FBXO2: variants seen among roughly 807,000 people sequenced by gnomAD.
FBXO2 encodes F-box protein 2, also known as F-box only protein 2.
A neutral mutation model predicts 38.6 loss-of-function variants in FBXO2; 32 were observed. The ratio of observed to expected loss-of-function variants is 0.83; its 90% CI spans 0.62 to 1.11. The LOEUF is 1.11. Among genes scored for constraint, FBXO2 ranks in the 50% most tolerant of loss-of-function variants. The pLI is 0.00. For missense variants in FBXO2, 450 were observed against 418.3 expected, an observed-to-expected ratio of 1.08 and a Z score of -0.66; for synonymous variants, 189 against 182.9, an observed-to-expected ratio of 1.03 and a Z score of -0.27.
At chr1:11,649,676 G>T in intron 4 of FBXO2, 103 bp downstream of exon 4, 1 of 1,246,506 alleles carries the variant, frequency 8.0e-7, no homozygotes, top group Non-Finnish European at 1.1e-6. Flanking sequence ...CTCAACCCCT[G>T]CAGTGGGGAG....
intron 1 of FBXO2, chr1:11,653,334 C>G (rs982608044): frequency 1.3e-5 from 2 of 152,470 alleles, no homozygotes; most frequent in Non-Finnish European, 2.9e-5. Flanking sequence ...ACATTGTTGC[C>G]GGCGGAAAGT....
At chr1:11,651,568 C>T (rs957190781) in intron 1 of FBXO2, among the ~76,000 whole-genome samples, 9 of 152,192 alleles carry the variant, frequency 5.9e-5, no homozygotes, top group African/African-American at 1.9e-4. Context: ...AGAGGTGAAA[C>T]GGCCCAGGAT....
chr1:11,649,269 G>A (rs1362122153), intron 4 of FBXO2, 44 bp from the exon 5 acceptor site: 1 of 1,369,228 alleles, frequency 7.3e-7, no homozygotes. Context: ...GAGGTGGGGT[G>A]GGGGCATGGC....
chr1:11,649,190 T>TA lies in FBXO2; in HGVS notation c.652_653insT (p.Glu218ValfsTer5), dbSNP rs1639472030. 1.3e-6 allele frequency: 2 copies of TA among 1,555,218 alleles called. No individual in the cohort carries two copies. On this transcript the variant is annotated frameshift_variant, in exon 5 of 6. Transcript: ENST00000354287. LOFTEE classifies it high-confidence loss of function. ...CTCGGACAGTAGCTTAACGGTGAGC[T>TA]CGTAGAGGCAACCAGCGTCGCTGCG...
intron 5 of FBXO2, 30 bp downstream of exon 5, chr1:11,649,057 A>G (rs997449923): frequency 1.2e-5 from 18 of 1,539,980 alleles, no homozygotes; most frequent in Non-Finnish European, 1.6e-5. Context: ...TCCGTGCCCC[A>G]CCCCTCCGCC....
intron 4 of FBXO2, 71 bp downstream of exon 4, chr1:11,649,708 T>A (rs958029430): frequency 6.8e-7 from 1 of 1,463,840 alleles, no homozygotes; most frequent in African/African-American, 1.4e-5. Context: ...AGGCGGGGGG[T>A]TCCCCAGCTG....
chr1:11,649,568 A>G (rs762952285), intron 4 of FBXO2: 35 of 597,756 alleles, frequency 5.9e-5, no homozygotes, highest in Non-Finnish European at 9.9e-5. Flanking sequence ...ATGTGCATAT[A>G]TTTGCCAACA....
Position 11,654,386 on chromosome 1 carries a change from C to A in FBXO2, c.-46G>T, listed in dbSNP as rs1228094044. On this transcript the variant is annotated 5_prime_UTR_variant, in exon 1 of 6. Coordinates refer to ENST00000354287, the MANE Select transcript of FBXO2 (RefSeq NM_012168.6). ...AGAGGAGGAGCCGGAGCGCTGCGGGCTGCGCGAGTCCCGGGGCGGCGAGTC... is the reference window on the plus strand; with the variant it reads ...AGAGGAGGAGCCGGAGCGCTGCGGGATGCGCGAGTCCCGGGGCGGCGAGTC... The A allele has an allele frequency of 5.9e-6, 8 of 1,359,686 alleles. No homozygotes were observed. The highest frequency in any genetic ancestry group is 6.2e-5 in the East Asian group (2 of 32,136). 84.2% of individuals were successfully genotyped at this position (1,359,686 alleles called of 1,614,324 possible).
chr1:11,652,202 T>C (rs1639534399), intron 1 of FBXO2, among the ~76,000 whole-genome samples: 1 of 152,086 alleles, frequency 6.6e-6, no homozygotes, highest in South Asian at 2.1e-4. Flanking sequence ...ACACTGCCAG[T>C]ATTTAGGGAA....
intron 1 of FBXO2, among the ~76,000 whole-genome samples, chr1:11,652,487 G>A (rs1639540601): frequency 6.6e-6 from 1 of 152,212 alleles, no homozygotes; most frequent in Non-Finnish European, 1.5e-5. Flanking sequence ...GGGGACAAGG[G>A]CATTCTGAAT....
chr1:11,648,833 G>T lies in FBXO2; in HGVS notation c.757-5C>A, dbSNP rs769661860. On this transcript the variant is annotated splice_region_variant and splice_polypyrimidine_tract_variant and intron_variant, in intron 5 of 5. Coordinates refer to ENST00000354287, the MANE Select transcript of FBXO2 (RefSeq NM_012168.6). The surrounding 1 kb of genome is among the most constrained non-coding windows in gnomAD (Gnocchi z 4.2). ...GTCGGTGAAGGTGTGGGAGATCTGG[G>T]GGTGGAGGTAACAAGAGTCAGCCTC... 17 of 1,613,356 alleles carry T rather than the reference G, an allele frequency of 1.1e-5. No individual in the cohort carries two copies. In the Admixed American group the frequency reaches 1.3e-4, roughly 13 times the overall value.
chr1:11,649,610 G>T (rs1639478663), intron 4 of FBXO2, 169 bp downstream of exon 4: 6 of 645,436 alleles, frequency 9.3e-6, no homozygotes, highest in South Asian at 7.7e-5. Flanking sequence ...TGGGTTTCCA[G>T]GTTCTCCTGC....
Position 11,649,594 on chromosome 1 carries a change from G to C in FBXO2, c.617+185C>G. The C allele has an allele frequency of 4.9e-6, 3 of 609,698 alleles. No individual in the cohort carries two copies. In the South Asian group the frequency reaches 5.9e-5, roughly 12 times the overall value. The allele number at this position is 609,698 out of a possible 1,614,324, so 37.8% of individuals were successfully genotyped here. A position where few individuals can be genotyped will look rare whatever the true frequency, so the allele number is the denominator to read the frequency against. On this transcript the variant is annotated intron_variant, in intron 4 of 5. Transcript: ENST00000354287. ...TTTGCCAACATTTAAAACTCAGGAG[G>C]GGAGGTGGGTTTCCAGGTTCTCCTG...
chr1:11,649,005 G>GCCCAT, intron 5 of FBXO2, 82 bp downstream of exon 5: 1 of 1,357,746 alleles, frequency 7.4e-7, no homozygotes, highest in Non-Finnish European at 1.0e-6. Flanking sequence ...CCCCAGCCCA[G>GCCCAT]GAGCGCTGTG....
Position 11,649,080 on chromosome 1 carries a change from G to A in FBXO2, c.756+7C>T, listed in dbSNP as rs557154361. ...CCACCCCTCCGCCCTGGGTCCCCCA[G>A]GCTCACCTCCATCCAGCCCCCGCCG... On this transcript the variant is annotated splice_region_variant and intron_variant, in intron 5 of 5. Transcript: ENST00000354287. 6.3e-7 allele frequency: 1 copy of A among 1,578,622 alleles called. No homozygotes were observed. The highest frequency in any genetic ancestry group is 1.3e-5 in the African/African-American group (1 of 74,150).
Position 11,654,320 on chromosome 1 carries a change from T to C in FBXO2, c.21A>G (p.Pro7=), listed in dbSNP as rs1209461255. ...GCGAGCGGTCCAGGCGTCGGCTACC[T>C]GGGTCACCGTCTCCGTCCATCGCTG... MDGDGD[P]ESVGQPEEAS... is the part of the protein sequence containing the mutation. The change falls in exon 1 of 6, where the codon CCA becomes CCG. Residue 7 remains proline, a splice_region_variant and synonymous_variant. Transcript: ENST00000354287. 5.4e-6 allele frequency: 8 copies of C among 1,471,002 alleles called. No homozygotes were observed. The highest frequency in any genetic ancestry group is 7.2e-6 in the Non-Finnish European group (8 of 1,118,212). The allele number at this position is 1,471,002 out of a possible 1,614,324, so 91.1% of individuals were successfully genotyped here. A position where few individuals can be genotyped will look rare whatever the true frequency, so the allele number is the denominator to read the frequency against.
chr1:11,650,407 G>C, intron 2 of FBXO2, 59 bp downstream of exon 2: 1 of 1,560,370 alleles, frequency 6.4e-7, no homozygotes, highest in Non-Finnish European at 8.7e-7. Context: ...GCCAGGCGGC[G>C]CCGTTTCGGC....
At position 11,648,826 on chromosome 1, in the gene FBXO2, G is replaced by T; in HGVS notation, c.759C>A (p.Ile253=). 1 of 1,613,624 alleles carries T rather than the reference G, an allele frequency of 6.2e-7. No individual in the cohort carries two copies. Among genetic ancestry groups the T allele is most frequent in the Non-Finnish European group, 8.5e-7 (1 of 1,179,986 alleles). Residue 253 remains isoleucine (I), a splice_region_variant and synonymous_variant, in exon 6 of 6, where the codon ATC becomes ATA. Coordinates refer to ENST00000354287, the MANE Select transcript of FBXO2 (RefSeq NM_012168.6). The surrounding 1 kb of genome is among the most constrained non-coding windows in gnomAD (Gnocchi z 4.2). ...GCCCGTAGTCGGTGAAGGTGTGGGAGATCTGGGGGTGGAGGTAACAAGAGT... is the reference window on the plus strand; with the variant it reads ...GCCCGTAGTCGGTGAAGGTGTGGGATATCTGGGGGTGGAGGTAACAAGAGT... ...QDSDGGGWME[I]SHTFTDYGPG...
rs114834790 is a variant in FBXO2, at chr1:11,649,835, C to A, written c.561G>T (p.Glu187Asp). ...TGTCCAGCAGCTCCTCCCAGTAGCC[C>A]TCAGCCTGCAGGTCAATGACCTGTG... ...RKAQVIDLQA[E>D]GYWEELLDTT... The change falls in exon 4 of 6, where the codon GAG becomes GAT. Residue 187 changes from glutamate (E) to aspartate (D), a missense_variant. Physicochemically the swap from Glu to Asp is conservative, Grantham distance 45 (BLOSUM62 2). Coordinates refer to ENST00000354287, the MANE Select transcript of FBXO2 (RefSeq NM_012168.6). The A allele has an allele frequency of 6.7e-5, 108 of 1,614,040 alleles. No individual in the cohort carries two copies. In the African/African-American group the frequency reaches 1.3e-3, roughly 19 times the overall value.
Sources: allele counts gnomAD v4.1 joint callset (sites outside exome capture counted in the v4.1 genomes callset), GRCh38; gene constraint gnomAD v4.1.1; non-coding constraint Gnocchi (gnomAD v3.1); transcripts MANE v1.5; gene names NCBI Gene and HGNC (gene_info 2026-07-23, HGNC 2026-07-21).